JAKMIP2: variants seen among roughly 807,000 people sequenced by gnomAD.
The protein encoded by JAKMIP2 is janus kinase and microtubule interacting protein 2.
In JAKMIP2, 25 loss-of-function variants were observed where a neutral mutation model predicts 115.0. The observed-to-expected ratio is 0.22, with a 90% CI of 0.16 to 0.30. The LOEUF (loss-of-function observed/expected upper bound fraction) is 0.30. Among genes scored for constraint, JAKMIP2 ranks in the 10% least tolerant of loss-of-function variants. The pLI is 1.00. For missense variants in JAKMIP2, 642 were observed against 957.6 expected, an observed-to-expected ratio of 0.67 and a Z score of 4.35; for synonymous variants, 334 against 343.6, an observed-to-expected ratio of 0.97 and a Z score of 0.31.
rs1755793854 is a variant in JAKMIP2 at position 147,782,378 on chromosome 5, G to T, written c.-149+78C>A. ...CTGAGGCACGGGAGTCATTGTTCAA[G>T]TTCAGGCCAGAAATGTATACACAGG... On this transcript the variant is annotated intron_variant, in intron 1 of 21. Coordinates refer to ENST00000616793, the MANE Select transcript of JAKMIP2 (RefSeq NM_001270941.2). The T allele has an allele frequency of 3.5e-6, 5 of 1,420,970 alleles. No individual in the cohort carries two copies. The Admixed American group carries it at 9.8e-5, about 28-fold the overall frequency. The allele number at this position is 1,420,970 out of a possible 1,614,324, so 88.0% of individuals were successfully genotyped here.
At chr5:147,744,502 T>C (rs1294676193) in intron 1 of JAKMIP2, among the ~76,000 whole-genome samples, 2 of 152,224 alleles carry the variant, frequency 1.3e-5, no homozygotes, top group African/African-American at 4.8e-5. Flanking sequence ...AAAAGAATTC[T>C]CTGAAAGTTG....
chr5:147,712,725 G>A (rs550184220), intron 1 of JAKMIP2, among the ~76,000 whole-genome samples: 1 of 152,128 alleles, frequency 6.6e-6, no homozygotes, highest in Non-Finnish European at 1.5e-5. Context: ...TTTTGACATC[G>A]TAACCACACA....
intron 2 of JAKMIP2, among the ~76,000 whole-genome samples, chr5:147,664,977 T>C (rs556498134): frequency 3.3e-5 from 5 of 152,280 alleles, no homozygotes; most frequent in African/African-American, 1.2e-4. Context: ...CTTCCCAGTA[T>C]AAAATGACAA....
At chr5:147,626,456 G>A (rs1489184182) in intron 16 of JAKMIP2, among the ~76,000 whole-genome samples, 4 of 152,218 alleles carry the variant, frequency 2.6e-5, no homozygotes, top group African/African-American at 7.2e-5. Flanking sequence ...GGTGCAAGAC[G>A]TAAGATCATG....
At chr5:147,636,756 A>G in intron 11 of JAKMIP2, among the ~76,000 whole-genome samples, 1 of 152,196 alleles carries the variant, frequency 6.6e-6, no homozygotes, top group African/African-American at 2.4e-5. Context: ...TCTCTTGCCC[A>G]AGCTCATTCA....
At chr5:147,681,434 T>C (rs181605954) in intron 1 of JAKMIP2, among the ~76,000 whole-genome samples, 1 of 152,344 alleles carries the variant, frequency 6.6e-6, no homozygotes, top group African/African-American at 2.4e-5. Context: ...TCAAATATCA[T>C]GTCATACCAC....
intron 1 of JAKMIP2, among the ~76,000 whole-genome samples, chr5:147,700,985 G>A (rs1278274803): frequency 6.6e-6 from 1 of 152,130 alleles, no homozygotes; most frequent in Non-Finnish European, 1.5e-5. Flanking sequence ...GTGGTTGGAG[G>A]AAGGTATAAT....
intron 20 of JAKMIP2, among the ~76,000 whole-genome samples, chr5:147,609,488 T>C (rs1312864578): frequency 2.0e-5 from 3 of 152,340 alleles, no homozygotes; most frequent in Non-Finnish European, 4.4e-5. Flanking sequence ...TCTTTAAGAA[T>C]GTTGAATATT....
chr5:147,602,106 T>A (rs1376246325), intron 20 of JAKMIP2, among the ~76,000 whole-genome samples: 3 of 152,226 alleles, frequency 2.0e-5, no homozygotes, highest in Non-Finnish European at 4.4e-5. Flanking sequence ...ATCAATAGTT[T>A]AATTTCATAC....
chr5:147,631,744 G>A (rs1275622719), intron 13 of JAKMIP2, among the ~76,000 whole-genome samples: 3 of 152,156 alleles, frequency 2.0e-5, no homozygotes, highest in Non-Finnish European at 4.4e-5. Flanking sequence ...CAAATTTTTT[G>A]ATCAGGGAAA....
At chr5:147,640,271 A>G (rs926048767) in intron 9 of JAKMIP2, among the ~76,000 whole-genome samples, 3 of 152,174 alleles carry the variant, frequency 2.0e-5, no homozygotes, top group Middle Eastern at 3.2e-3. Context: ...TTTCACTCCT[A>G]AGATCCTGAG....
At chr5:147,671,167 A>C (rs1759565065) in intron 2 of JAKMIP2, among the ~76,000 whole-genome samples, 1 of 151,826 alleles carries the variant, frequency 6.6e-6, no homozygotes, top group South Asian at 2.1e-4. Flanking sequence ...CGAGAGAGAG[A>C]AGTGGGAGAT....
chr5:147,703,849 C>G (rs1054817774), intron 1 of JAKMIP2, among the ~76,000 whole-genome samples: 2 of 151,874 alleles, frequency 1.3e-5, no homozygotes, highest in East Asian at 3.9e-4. Context: ...TATTTTTGTA[C>G]TGCTATACAA....
At chr5:147,714,546 C>A (rs953189074) in intron 1 of JAKMIP2, among the ~76,000 whole-genome samples, 1 of 152,124 alleles carries the variant, frequency 6.6e-6, no homozygotes, top group Non-Finnish European at 1.5e-5. Flanking sequence ...CAGAATGGGG[C>A]TGAGGCAATG....
At chr5:147,710,874 G>A (rs891217453) in intron 1 of JAKMIP2, among the ~76,000 whole-genome samples, 16 of 152,132 alleles carry the variant, frequency 1.1e-4, no homozygotes, top group East Asian at 3.8e-4. Context: ...TTTCTGAATC[G>A]GTTATAGGGA....
intron 1 of JAKMIP2, among the ~76,000 whole-genome samples, chr5:147,764,943 AG>A (rs1561582524): frequency 1.7e-4 from 16 of 93,016 alleles, no homozygotes; most frequent in South Asian, 7.8e-4. Context: ...AGAGAGAGAG[AG>A]AGGGAGAGAG....
intron 1 of JAKMIP2, among the ~76,000 whole-genome samples, chr5:147,773,126 A>T (rs1755426979): frequency 6.6e-6 from 1 of 152,192 alleles, no homozygotes; most frequent in Admixed American, 6.5e-5. Flanking sequence ...AAAATTCTAA[A>T]CTATGGGTCT....
At position 147,733,108 on chromosome 5, in the gene JAKMIP2, C is replaced by T. The variant is rs1259183321; in HGVS notation, c.-149+49348G>A. ...TCTTAAGGAGAGAGATGGTATCAAT[C>T]GTTTCATCCTCATTGATGAGCACAA... On this transcript the variant is annotated intron_variant, in intron 1 of 21. Transcript: ENST00000616793. Among the ~76,000 whole-genome samples the T allele has an allele frequency of 3.9e-5, 6 of 152,258 alleles. No homozygotes were observed. The South Asian group carries it at 6.2e-4, about 16-fold the overall frequency.
chr5:147,663,053 T>TGAGTGATA (rs1759113835), intron 2 of JAKMIP2, among the ~76,000 whole-genome samples: 1 of 151,962 alleles, frequency 6.6e-6, no homozygotes, highest in African/African-American at 2.4e-5. Flanking sequence ...AATAGCTAGT[T>TGAGTGATA]GAGTGATATC....
Sources: gnomAD v4.1 joint callset for allele counts (sites outside exome capture counted in the v4.1 genomes callset) on GRCh38, gnomAD v4.1.1 for gene constraint, MANE v1.5 for transcripts, NCBI Gene and HGNC (gene_info 2026-07-23, HGNC 2026-07-21) for gene names.